Variants in ERCC1 observed in about 807,000 individuals in gnomAD.
The protein encoded by ERCC1 is ERCC excision repair 1, endonuclease non-catalytic subunit, also known as DNA excision repair protein ERCC-1.
In ERCC1, 36 loss-of-function variants were observed where a neutral mutation model predicts 37.6. The observed-to-expected ratio is 0.96, with a 90% CI of 0.73 to 1.26. The LOEUF (loss-of-function observed/expected upper bound fraction) is 1.26. Ranked by LOEUF, ERCC1 falls within the 50% of genes most tolerant of loss-of-function variation. ERCC1 has a pLI of 0.00. For missense variants in ERCC1, 349 were observed against 376.5 expected (o/e 0.93, Z 0.60); for synonymous variants, 156 against 162.1 (o/e 0.96, Z 0.28).
upstream of ERCC1, among the ~76,000 whole-genome samples, chr19:45,426,991 T>G (rs1282473585): frequency 7.1e-6 from 1 of 141,716 alleles, no homozygotes; most frequent in African/African-American, 2.6e-5. Flanking sequence ...AAGCTATGTG[T>G]GTTGGTGTGC....
In ERCC1 at chr19:45,413,960, T is replaced by C; in HGVS notation, c.774+3A>G. 6.2e-7 allele frequency: 1 copy of C among 1,612,964 alleles called. No homozygotes were observed. The highest frequency in any genetic ancestry group is 8.5e-7 in the Non-Finnish European group (1 of 1,179,282). On this transcript the variant is annotated splice_donor_region_variant and intron_variant, in intron 8 of 9. Coordinates refer to ENST00000300853, the MANE Select transcript of ERCC1 (RefSeq NM_001983.4). Reference sequence around the variant, plus strand: ...CCTATGGGGCAGGGGAGCCATTCCTTACTCCAAATGTGGTCAGGAGGGTCT... The same window carrying C: ...CCTATGGGGCAGGGGAGCCATTCCTCACTCCAAATGTGGTCAGGAGGGTCT...
chr19:45,413,611 C>A, intron 9 of ERCC1, 66 bp downstream of exon 9: 2 of 1,614,214 alleles, frequency 1.2e-6, no homozygotes, highest in South Asian at 1.1e-5. Flanking sequence ...TTTGGGGTCT[C>A]AGGTTGTGTT....
chr19:45,409,288 A>C lies in ERCC1; in HGVS notation c.*387T>G. 6.2e-7 allele frequency: 1 copy of C among 1,614,090 alleles called. No homozygotes were observed. The highest frequency in any genetic ancestry group is 8.5e-7 in the Non-Finnish European group (1 of 1,179,986). ...ACACAGTGACTGAGCCAATTCAGCC[A>C]CTAGAGCCTGAACTGCCAGGGGAGG... On this transcript the variant is annotated 3_prime_UTR_variant, in exon 10 of 10. Transcript: ENST00000300853.
At chr19:45,409,892 A>ATTTTTTTTTTTTTTTTTT (rs200386912) in intron 9 of ERCC1, 167 bp from the exon 10 acceptor site, 2 of 203,776 alleles carry the variant, frequency 9.8e-6, no homozygotes, top group Non-Finnish European at 1.6e-5. Flanking sequence ...TATTATTATT[A>ATTTTTTTTTTTTTTTTTT]TTATTTTTTT....
intron 1 of ERCC1, among the ~76,000 whole-genome samples, chr19:45,437,501 C>T (rs1422289259): frequency 3.9e-5 from 6 of 152,012 alleles, no homozygotes; most frequent in African/African-American, 7.2e-5. Context: ...CATATACACA[C>T]GATGGAATAC....
At chr19:45,440,400 C>T (rs1975090524) in intron 1 of ERCC1, among the ~76,000 whole-genome samples, 1 of 152,140 alleles carries the variant, frequency 6.6e-6, no homozygotes, top group Admixed American at 6.6e-5. Flanking sequence ...GGGGGCAGAG[C>T]AGGGCGAGAG....
chr19:45,414,655 G>A, intron 7 of ERCC1: 1 of 537,854 alleles, frequency 1.9e-6, no homozygotes, highest in Non-Finnish European at 3.4e-6. Context: ...TCGGGGTACT[G>A]GGGAGCCATG....
intron 1 of ERCC1, among the ~76,000 whole-genome samples, chr19:45,431,113 C>T (rs918724934): frequency 5.3e-5 from 8 of 152,070 alleles, no homozygotes; most frequent in African/African-American, 1.4e-4. Context: ...CCACCATGCC[C>T]GGCTAATTTT....
At position 45,450,445 on chromosome 19, in the gene ERCC1, C is replaced by A. The variant is rs117074808; in HGVS notation, c.-7-27064G>T. Among the ~76,000 whole-genome samples the A allele has an allele frequency of 3.4e-4, 52 of 152,248 alleles. No homozygotes were observed. The East Asian group carries it at 9.7e-3, about 28-fold the overall frequency. On this transcript the variant is annotated intron_variant, in intron 1 of 8. Coordinates refer to the ERCC1 transcript ENST00000423698. Reference sequence around the variant, plus strand: ...CCGCCACGCGGCCGGCCGAGGTCGGCGCTGTAAAATGCTCCTGCTCCTTTA... The same window carrying A: ...CCGCCACGCGGCCGGCCGAGGTCGGAGCTGTAAAATGCTCCTGCTCCTTTA...
chr19:45,414,994 G>T, intron 6 of ERCC1, 34 bp from the exon 7 acceptor site: 1 of 1,493,482 alleles, frequency 6.7e-7, no homozygotes, highest in Non-Finnish European at 9.3e-7. Flanking sequence ...GCCGGGAGGT[G>T]AGGTATCAGA....
intron 1 of ERCC1, among the ~76,000 whole-genome samples, chr19:45,432,686 T>A (rs567026164): frequency 6.6e-6 from 1 of 152,090 alleles, no homozygotes; most frequent in Non-Finnish European, 1.5e-5. Flanking sequence ...GGACTACAGG[T>A]GCATGCCACC....
rs200386912 is a variant in ERCC1 at position 45,409,892 on chromosome 19, A to ATTTTTTTTTTT, written c.844-168_844-167insAAAAAAAAAAA. The ATTTTTTTTTTT allele has an allele frequency of 2.4e-3, 499 of 206,340 alleles. 8 individuals carry two copies. Among genetic ancestry groups the ATTTTTTTTTTT allele is most frequent in the South Asian group, 3.0e-3 (15 of 4,964 alleles). The allele number at this position is 206,340 out of a possible 1,614,324, so 12.8% of individuals were successfully genotyped here. A position where few individuals can be genotyped will look rare whatever the true frequency, so the allele number is the denominator to read the frequency against. On this transcript the variant is annotated intron_variant, in intron 9 of 9. Transcript: ENST00000300853. ...ATCTTTTTAAGTTATTATTATTATTATTATTTTTTTTTTTTTTGAGATGGA... is the reference window on the plus strand; with the variant it reads ...ATCTTTTTAAGTTATTATTATTATTATTTTTTTTTTTTTATTTTTTTTTTTTTTGAGATGGA...
intron 1 of ERCC1, chr19:45,429,085 G>C (rs1213368528): frequency 6.6e-6 from 1 of 152,314 alleles, no homozygotes; most frequent in Non-Finnish European, 1.5e-5. Context: ...GAGAGGCTGT[G>C]GATGGATGTA....
At chr19:45,414,376 C>T in intron 7 of ERCC1, 1 of 387,118 alleles carries the variant, frequency 2.6e-6, no homozygotes, top group Non-Finnish European at 4.9e-6. Flanking sequence ...ACTCAGGAGG[C>T]TCAGGCAGGA....
chr19:45,439,428 T>G (rs1975061372), intron 1 of ERCC1, among the ~76,000 whole-genome samples: 1 of 152,166 alleles, frequency 6.6e-6, no homozygotes, highest in African/African-American at 2.4e-5. Context: ...CCGGGTGCAG[T>G]GGCTCAGGCC....
At chr19:45,421,732 C>T (rs1974445651) in intron 2 of ERCC1, among the ~76,000 whole-genome samples, 1 of 151,592 alleles carries the variant, frequency 6.6e-6, no homozygotes, top group South Asian at 2.1e-4. Context: ...CCCCCAGGTT[C>T]AAGCGATTCT....
Position 45,421,226 on chromosome 19 carries a change from G to C in ERCC1, c.273C>G (p.Ala91=), listed in dbSNP as rs201143699. The part of the protein sequence containing the change: ...EPLAGETPNQ[A]LKPGAKSNSI... ...TGTTGGATTTTGCCCCGGGTTTCAGGGCCTGGTTGGGCGTCTCTCCTGCCA... is the reference window on the plus strand; with the variant it reads ...TGTTGGATTTTGCCCCGGGTTTCAGCGCCTGGTTGGGCGTCTCTCCTGCCA... Residue 91 remains alanine (A), a synonymous_variant, in exon 3 of 10, where the codon GCC becomes GCG. Coordinates refer to ENST00000300853, the MANE Select transcript of ERCC1 (RefSeq NM_001983.4). 6.2e-7 allele frequency: 1 copy of C among 1,614,160 alleles called. No homozygotes were observed. The highest frequency in any genetic ancestry group is 8.5e-7 in the Non-Finnish European group (1 of 1,180,028).
In ERCC1 at chr19:45,407,348, C is replaced by T; in HGVS notation, c.*2327G>A. ...GAGTCACAGAGCACAGTGAAAGAAA[C>T]AAGTTTATTGGAAACTACTCCTTTA... On this transcript the variant is annotated 3_prime_UTR_variant, in exon 10 of 10. Coordinates refer to ENST00000300853, the MANE Select transcript of ERCC1 (RefSeq NM_001983.4). The T allele has an allele frequency of 9.6e-7, 1 of 1,042,722 alleles. No homozygotes were observed. Among genetic ancestry groups the T allele is most frequent in the Non-Finnish European group, 1.4e-6 (1 of 719,568 alleles). The allele number at this position is 1,042,722 out of a possible 1,614,324, so 64.6% of individuals were successfully genotyped here.
intron 1 of ERCC1, among the ~76,000 whole-genome samples, chr19:45,446,922 C>G (rs1035491289): frequency 2.0e-5 from 3 of 152,042 alleles, no homozygotes; most frequent in African/African-American, 7.2e-5. Flanking sequence ...CATTTGAACC[C>G]GGGAGGTGGA....
Sources: allele counts gnomAD v4.1 joint callset (sites outside exome capture counted in the v4.1 genomes callset), GRCh38; gene constraint gnomAD v4.1.1; transcripts MANE v1.5; gene names NCBI Gene and HGNC (gene_info 2026-07-23, HGNC 2026-07-21).